Variants in ATG4C observed in about 807,000 individuals in gnomAD.
ATG4C encodes cysteine protease ATG4C.
In ATG4C, 56 loss-of-function variants were observed where a neutral mutation model predicts 57.6. That is an observed-to-expected ratio of 0.97 (90% confidence interval 0.78 to 1.21). ATG4C has a LOEUF of 1.21. Among genes scored for constraint, ATG4C ranks in the 50% most tolerant of loss-of-function variants. ATG4C has a pLI of 0.00. For missense variants in ATG4C, 595 were observed against 529.8 expected, an observed-to-expected ratio of 1.12 and a Z score of -1.21; for synonymous variants, 157 against 174.1, an observed-to-expected ratio of 0.90 and a Z score of 0.78.
intron 10 of ATG4C, among the ~76,000 whole-genome samples, chr1:62,862,642 T>G (rs1046192103): frequency 6.6e-6 from 1 of 152,122 alleles, no homozygotes; most frequent in Non-Finnish European, 1.5e-5. Context: ...CAATATGAAC[T>G]ATAGGATCTG....
At chr1:62,841,601 G>GA in intron 10 of ATG4C, 54 bp downstream of exon 10, 1 of 1,405,656 alleles carries the variant, frequency 7.1e-7, no homozygotes, top group Non-Finnish European at 9.5e-7. Context: ...ATTAGAAACA[G>GA]ACTGTCAGAA....
At chr1:62,858,971 A>T (rs1043114952) in intron 10 of ATG4C, among the ~76,000 whole-genome samples, 1 of 152,202 alleles carries the variant, frequency 6.6e-6, no homozygotes, top group Non-Finnish European at 1.5e-5. Flanking sequence ...TGATGGGGAT[A>T]CATTCTGATA....
chr1:62,805,254 A>G lies in ATG4C; in HGVS notation c.159A>G (p.Glu53=). 6.6e-7 allele frequency: 1 copy of G among 1,510,140 alleles called. No individual in the cohort carries two copies. 93.5% of individuals were successfully genotyped at this position (1,510,140 alleles called of 1,614,324 possible). A position where few individuals can be genotyped will look rare whatever the true frequency, so the allele number is the denominator to read the frequency against. The change falls in exon 3 of 11, where the codon GAA becomes GAG. Residue 53 remains glutamate (E), a splice_region_variant and synonymous_variant. Coordinates refer to ENST00000317868, the MANE Select transcript of ATG4C (RefSeq NM_032852.4). ...GAAAATGTTACCATTTTAAATATGA[A>G]GGTAAGTACAAAATTTGTAAACCAT... ...LLGKCYHFKY[E]DEDKTLPAES... is the part of the protein sequence containing the mutation.
chr1:62,823,651 T>G (rs1039779846), intron 6 of ATG4C, among the ~76,000 whole-genome samples: 4 of 152,208 alleles, frequency 2.6e-5, no homozygotes, highest in South Asian at 2.1e-4. Context: ...AATGAAGTCC[T>G]TTATAATTTG....
intron 1 of ATG4C, among the ~76,000 whole-genome samples, chr1:62,784,881 A>G (rs988212839): frequency 3.3e-5 from 5 of 152,170 alleles, no homozygotes; most frequent in East Asian, 1.9e-4. Flanking sequence ...TGTAGAATAA[A>G]TTCTTACATA....
At chr1:62,829,372 A>G (rs1233149597) in intron 7 of ATG4C, among the ~76,000 whole-genome samples, 196 bp downstream of exon 7, 1 of 152,130 alleles carries the variant, frequency 6.6e-6, no homozygotes, top group Non-Finnish European at 1.5e-5. Context: ...GTGTTCTATA[A>G]CAAAATGAAA....
chr1:62,843,067 A>G (rs762209326), intron 10 of ATG4C, among the ~76,000 whole-genome samples: 1 of 152,102 alleles, frequency 6.6e-6, no homozygotes, highest in East Asian at 1.9e-4. Flanking sequence ...TGTATTTTCT[A>G]TCTGGATGAA....
chr1:62,787,389 G>A (rs1664127467), intron 1 of ATG4C, among the ~76,000 whole-genome samples: 2 of 152,068 alleles, frequency 1.3e-5, no homozygotes, highest in Admixed American at 1.3e-4. Flanking sequence ...GCAGTTACAT[G>A]CCATCTTTAT....
At chr1:62,849,897 T>G (rs1666450428) in intron 10 of ATG4C, among the ~76,000 whole-genome samples, 1 of 152,176 alleles carries the variant, frequency 6.6e-6, no homozygotes, top group South Asian at 2.1e-4. Flanking sequence ...AATTAGTATA[T>G]TTATAAAATA....
At chr1:62,850,894 A>C (rs1162505052) in intron 10 of ATG4C, among the ~76,000 whole-genome samples, 4 of 74,418 alleles carry the variant, frequency 5.4e-5, no homozygotes, top group Non-Finnish European at 1.0e-4. Context: ...ATATATATAT[A>C]TATATATACA....
chr1:62,819,115 A>C lies in ATG4C; in HGVS notation c.505A>C (p.Arg169=), dbSNP rs753813306. 4 of 1,613,366 alleles carry C rather than the reference A, an allele frequency of 2.5e-6. No individual in the cohort carries two copies. The highest frequency in any genetic ancestry group is 3.4e-6 in the Non-Finnish European group (4 of 1,179,596). ...ASFEASLSGE[R]EFKTPTISLK... Reference sequence around the variant, plus strand: ...ATTTGAAGCATCACTTTCAGGGGAAAGAGAATTCAAAACCCCAACAATTTC... The same window carrying C: ...ATTTGAAGCATCACTTTCAGGGGAACGAGAATTCAAAACCCCAACAATTTC... The change falls in exon 5 of 11, where the codon AGA becomes CGA. Residue 169 remains arginine (R), a synonymous_variant. Transcript: ENST00000317868.
intron 1 of ATG4C, among the ~76,000 whole-genome samples, chr1:62,786,909 A>G (rs1034564150): frequency 1.3e-5 from 2 of 152,140 alleles, no homozygotes; most frequent in African/African-American, 4.8e-5. Flanking sequence ...GAGTGGCCCA[A>G]TTGAGAGATG....
At chr1:62,795,133 A>G (rs943943102) in intron 1 of ATG4C, among the ~76,000 whole-genome samples, 2 of 152,224 alleles carry the variant, frequency 1.3e-5, no homozygotes, top group Non-Finnish European at 2.9e-5. Flanking sequence ...CCATTGCACT[A>G]TGTGACTGAG....
rs1665082189 is a variant in ATG4C, at chr1:62,811,477, G to A, written c.161-5098G>A. ...TGGCCCTCCTAGTAGTATCTAGACCGAATACCGAAAGTAAAAAAAATTTCT... is the reference window on the plus strand; with the variant it reads ...TGGCCCTCCTAGTAGTATCTAGACCAAATACCGAAAGTAAAAAAAATTTCT... On this transcript the variant is annotated intron_variant, in intron 3 of 10. Coordinates refer to ENST00000317868, the MANE Select transcript of ATG4C (RefSeq NM_032852.4). Among the ~76,000 whole-genome samples the A allele has an allele frequency of 6.6e-5, 10 of 152,150 alleles. No homozygotes were observed. The South Asian group carries it at 1.7e-3, about 25-fold the overall frequency.
chr1:62,815,851 A>AT (rs1360388894), intron 3 of ATG4C, among the ~76,000 whole-genome samples: 1 of 152,042 alleles, frequency 6.6e-6, no homozygotes, highest in Non-Finnish European at 1.5e-5. Flanking sequence ...TGCCTGGTTA[A>AT]TTTTTGTATT....
intron 7 of ATG4C, 117 bp from the exon 8 acceptor site, chr1:62,833,920 TA>T: frequency 1.2e-6 from 1 of 802,928 alleles, no homozygotes; most frequent in Non-Finnish European, 2.0e-6. Flanking sequence ...AAATGTAATA[TA>T]AATGATAACT....
chr1:62,792,625 G>A (rs1664315183), intron 1 of ATG4C, among the ~76,000 whole-genome samples: 1 of 152,190 alleles, frequency 6.6e-6, no homozygotes, highest in South Asian at 2.1e-4. Context: ...AGTTATGGAT[G>A]CTCTAGAACA....
At chr1:62,786,435 G>A (rs970721105) in intron 1 of ATG4C, among the ~76,000 whole-genome samples, 3 of 151,660 alleles carry the variant, frequency 2.0e-5, no homozygotes, top group Non-Finnish European at 4.4e-5. Context: ...AAGGTGAGAA[G>A]AGAGATAACT....
intron 9 of ATG4C, among the ~76,000 whole-genome samples, chr1:62,840,677 CT>C (rs1666139823): frequency 6.6e-6 from 1 of 152,154 alleles, no homozygotes; most frequent in Non-Finnish European, 1.5e-5. Context: ...ATGCCAAACT[CT>C]ACTAACAGCC....
Sources: gnomAD v4.1 joint callset for allele counts (sites outside exome capture counted in the v4.1 genomes callset) on GRCh38, gnomAD v4.1.1 for gene constraint, MANE v1.5 for transcripts, NCBI Gene and HGNC (gene_info 2026-07-23, HGNC 2026-07-21) for gene names.